Variants in GNA12 observed in about 807,000 individuals in gnomAD.
The protein encoded by GNA12 is G protein subunit alpha 12.
A neutral mutation model predicts 26.0 loss-of-function variants in GNA12; 9 were observed. That is an observed-to-expected ratio of 0.35 (90% confidence interval 0.21 to 0.60). GNA12 has a LOEUF of 0.60. GNA12 is among the 20% of genes least tolerant of loss of function. GNA12 has a pLI of 0.78. For missense variants in GNA12, 405 were observed against 525.8 expected (o/e 0.77, Z 2.25); for synonymous variants, 264 against 219.6 (o/e 1.20, Z -1.79).
chr7:2,827,476 G>T (rs1793511221), intron 1 of GNA12, among the ~76,000 whole-genome samples: 1 of 152,220 alleles, frequency 6.6e-6, no homozygotes, highest in Non-Finnish European at 1.5e-5. Context: ...AGTCTGTGAT[G>T]TCGCGTGAGA....
At chr7:2,761,955 C>T (rs527535460) in intron 2 of GNA12, among the ~76,000 whole-genome samples, 16 of 152,272 alleles carry the variant, frequency 1.1e-4, no homozygotes, top group African/African-American at 3.4e-4. Context: ...GAGTGTCCAG[C>T]CGCCCACCAG....
intron 1 of GNA12, among the ~76,000 whole-genome samples, chr7:2,810,615 G>C (rs1011656336): frequency 2.0e-5 from 3 of 152,154 alleles, no homozygotes; most frequent in Non-Finnish European, 4.4e-5. Flanking sequence ...AATGAGAAAA[G>C]TCCGGGCACA....
chr7:2,844,263 GCTCGCCTC>G lies in GNA12; in HGVS notation c.-110_-103del. 3.9e-6 allele frequency: 2 copies of G among 511,676 alleles called. No homozygotes were observed. The highest frequency in any genetic ancestry group is 5.0e-6 in the Non-Finnish European group (2 of 398,828). The allele number at this position is 511,676 out of a possible 1,614,324, so 31.7% of individuals were successfully genotyped here. The stretch of plus-strand genomic sequence containing the variant: ...CCGAGGCACCGCCCCACGCCCCGCC[GCTCGCCTC>G]AGGCCGCGTCCGCCGCCGCCGCTGC... On this transcript the variant is annotated 5_prime_UTR_variant, in exon 1 of 4. Transcript: ENST00000275364.
intron 2 of GNA12, among the ~76,000 whole-genome samples, chr7:2,751,229 C>G (rs967653542): frequency 6.6e-6 from 1 of 151,784 alleles, no homozygotes; most frequent in African/African-American, 2.4e-5. Context: ...TCAAAAAAAA[C>G]CCCAAAGTTA....
At chr7:2,787,647 T>C (rs1469300065) in intron 2 of GNA12, among the ~76,000 whole-genome samples, 1 of 152,230 alleles carries the variant, frequency 6.6e-6, no homozygotes, top group Non-Finnish European at 1.5e-5. Flanking sequence ...CAAGATAGGC[T>C]GAAGGCCGCT....
intron 1 of GNA12, among the ~76,000 whole-genome samples, chr7:2,824,958 G>A (rs1051273677): frequency 1.3e-5 from 2 of 152,068 alleles, no homozygotes; most frequent in Non-Finnish European, 2.9e-5. Flanking sequence ...CAAGGGAGGA[G>A]GCCCCTCTCC....
At chr7:2,837,999 G>A (rs1026568042) in intron 1 of GNA12, among the ~76,000 whole-genome samples, 1 of 152,088 alleles carries the variant, frequency 6.6e-6, no homozygotes, top group Admixed American at 6.6e-5. Context: ...TAGTGAAGTG[G>A]GGTGGGTAAA....
intron 1 of GNA12, among the ~76,000 whole-genome samples, chr7:2,819,136 T>A (rs527503188): frequency 6.6e-6 from 1 of 152,240 alleles, no homozygotes; most frequent in South Asian, 2.1e-4. Context: ...TGTGAGCCGC[T>A]CGCTGCTGGT....
intron 1 of GNA12, among the ~76,000 whole-genome samples, chr7:2,796,378 G>T (rs938112361): frequency 4.6e-5 from 7 of 152,160 alleles, no homozygotes; most frequent in African/African-American, 1.7e-4. Context: ...CTCAAATGTG[G>T]TATCACCGTC....
At chr7:2,835,939 G>T (rs1021397122) in intron 1 of GNA12, 11 of 523,378 alleles carry the variant, frequency 2.1e-5, no homozygotes, top group African/African-American at 1.6e-4. Context: ...CAAAGTCGAA[G>T]CAATTCAGTG....
intron 1 of GNA12, among the ~76,000 whole-genome samples, chr7:2,838,072 G>C (rs1778889784): frequency 6.6e-6 from 1 of 151,984 alleles, no homozygotes; most frequent in African/African-American, 2.4e-5. Flanking sequence ...CCAGGAGACT[G>C]GGATCAGTTA....
At chr7:2,817,463 C>A (rs1793244010) in intron 1 of GNA12, among the ~76,000 whole-genome samples, 1 of 152,180 alleles carries the variant, frequency 6.6e-6, no homozygotes, top group Non-Finnish European at 1.5e-5. Flanking sequence ...GACTGTATAT[C>A]CTCCCTTACC....
intron 1 of GNA12, among the ~76,000 whole-genome samples, chr7:2,821,716 C>T (rs190050459): frequency 6.6e-6 from 1 of 152,328 alleles, no homozygotes; most frequent in Admixed American, 6.5e-5. Context: ...TCTTTCCCTT[C>T]CTGTGGCAAG....
At chr7:2,786,574 T>C (rs1467235470) in intron 2 of GNA12, among the ~76,000 whole-genome samples, 1 of 152,232 alleles carries the variant, frequency 6.6e-6, no homozygotes, top group Non-Finnish European at 1.5e-5. Context: ...TCTGTCTATC[T>C]ATGGAAGACT....
chr7:2,749,100 T>C (rs991989131), intron 2 of GNA12, among the ~76,000 whole-genome samples: 3 of 152,212 alleles, frequency 2.0e-5, no homozygotes, highest in Admixed American at 6.5e-5. Context: ...GAAGTCAGTG[T>C]GGCGATTCCT....
At chr7:2,774,584 G>A (rs569518981) in intron 2 of GNA12, among the ~76,000 whole-genome samples, 1 of 152,198 alleles carries the variant, frequency 6.6e-6, no homozygotes, top group Non-Finnish European at 1.5e-5. Flanking sequence ...CGAGGCAAAG[G>A]GGGGGTCCAG....
Position 2,816,704 on chromosome 7 carries a change from CAGTG to C in GNA12, c.310-21565_310-21562del, listed in dbSNP as rs1255101580. Among the ~76,000 whole-genome samples, 4 of 152,168 alleles carry C rather than the reference CAGTG, an allele frequency of 2.6e-5. No individual in the cohort carries two copies. In the East Asian group the frequency reaches 5.8e-4, roughly 22 times the overall value. On this transcript the variant is annotated intron_variant, in intron 1 of 3. Transcript: ENST00000275364. ...GTGGGAAGGGCAGTAGCAGCAGTGA[CAGTG>C]AGAATGATATTGAAGCTAACATTCA...
At chr7:2,805,864 T>C (rs1037502091) in intron 1 of GNA12, among the ~76,000 whole-genome samples, 5 of 152,198 alleles carry the variant, frequency 3.3e-5, no homozygotes, top group African/African-American at 1.2e-4. Flanking sequence ...GACCATCTAA[T>C]GGTGGCTCTG....
chr7:2,829,994 G>A (rs766053784), intron 1 of GNA12, among the ~76,000 whole-genome samples: 7 of 152,166 alleles, frequency 4.6e-5, no homozygotes, highest in Non-Finnish European at 1.0e-4. Context: ...AACCTCCAGT[G>A]GACTCCTGCC....
Sources: gnomAD v4.1 joint callset for allele counts (sites outside exome capture counted in the v4.1 genomes callset) on GRCh38, gnomAD v4.1.1 for gene constraint, MANE v1.5 for transcripts, NCBI Gene and HGNC (gene_info 2026-07-23, HGNC 2026-07-21) for gene names.